MINK1: variants seen among roughly 807,000 people sequenced by gnomAD.
MINK1 encodes misshapen-like kinase 1.
MINK1 carries 46 observed loss-of-function variants against 178.4 expected under a neutral mutation model. That is an observed-to-expected ratio of 0.26 (90% confidence interval 0.20 to 0.33). The LOEUF (loss-of-function observed/expected upper bound fraction) is 0.33. Among genes scored for constraint, MINK1 ranks in the 10% least tolerant of loss-of-function variants. The pLI is 1.00. For synonymous variants in MINK1, 797 were observed against 709.7 expected, an observed-to-expected ratio of 1.12 and a Z score of -1.96; for missense variants, 1,366 against 1,814.9, an observed-to-expected ratio of 0.75 and a Z score of 4.49.
intron 21 of MINK1, 123 bp from the exon 22 acceptor site, chr17:4,893,865 A>G (rs1273480078): frequency 1.3e-5 from 12 of 890,022 alleles, no homozygotes; most frequent in Non-Finnish European, 2.0e-5. Flanking sequence ...CTACACCGTG[A>G]GGGTGGAGCA....
chr17:4,850,088 G>A (rs979263819), intron 1 of MINK1, among the ~76,000 whole-genome samples: 1 of 152,154 alleles, frequency 6.6e-6, no homozygotes, highest in African/African-American at 2.4e-5. Flanking sequence ...CACAGGTGTT[G>A]TGTAATTATG....
At chr17:4,837,452 G>T (rs17824233) in intron 1 of MINK1, among the ~76,000 whole-genome samples, 1,833 of 152,252 alleles carry the variant, frequency 0.012, 20 homozygotes, top group East Asian at 0.062. Flanking sequence ...ATTTTTTCTG[G>T]GATGTTTTTA....
rs200254448 is a variant in MINK1 at position 4,895,122 on chromosome 17, G to T, written c.2965G>T (p.Val989Leu). 1 of 1,613,698 alleles carries T rather than the reference G, an allele frequency of 6.2e-7. No individual in the cohort carries two copies. The highest frequency in any genetic ancestry group is 1.3e-5 in the African/African-American group (1 of 74,912). Residue 989 changes from valine (V) to leucine (L), a missense_variant, in exon 25 of 32, where the codon GTG becomes TTG. Transcript: ENST00000355280. The surrounding 1 kb of genome is among the most constrained non-coding windows in gnomAD (Gnocchi z 4.3). Reference sequence around the variant, plus strand: ...TCGGCTCGACCAGCTGCAGTACGACGTGAGGAAGGGTTCTGTGGTCAACGT... The same window carrying T: ...TCGGCTCGACCAGCTGCAGTACGACTTGAGGAAGGGTTCTGTGGTCAACGT... ...GTRLDQLQYD[V>L]RKGSVVNVNP...
At chr17:4,875,482 C>T in intron 1 of MINK1, 2 of 453,630 alleles carry the variant, frequency 4.4e-6, no homozygotes, top group Non-Finnish European at 8.8e-6. Context: ...TCTAAAAAAA[C>T]AAAAATGAGG....
At chr17:4,875,414 A>G in intron 1 of MINK1, 1 of 446,962 alleles carries the variant, frequency 2.2e-6, no homozygotes, top group South Asian at 1.6e-5. Flanking sequence ...GTTCAAGGCT[A>G]CAGTGAGCTG....
intron 1 of MINK1, among the ~76,000 whole-genome samples, chr17:4,834,976 T>G (rs1399457527): frequency 1.3e-5 from 2 of 152,218 alleles, no homozygotes; most frequent in Non-Finnish European, 2.9e-5. Context: ...TCTTCCCATT[T>G]TCAGGTCATA....
chr17:4,870,321 C>T (rs1310164628), intron 1 of MINK1, among the ~76,000 whole-genome samples: 1 of 151,316 alleles, frequency 6.6e-6, no homozygotes, highest in Non-Finnish European at 1.5e-5. Flanking sequence ...ATCCTCCCAC[C>T]TCAGCCTCCC....
chr17:4,868,098 T>C (rs1915315157), intron 1 of MINK1, among the ~76,000 whole-genome samples: 1 of 151,764 alleles, frequency 6.6e-6, no homozygotes, highest in Non-Finnish European at 1.5e-5. Context: ...TGCCTCAGCC[T>C]CCTGAGTAGC....
At chr17:4,843,867 A>T (rs755166287) in intron 1 of MINK1, among the ~76,000 whole-genome samples, 1 of 152,138 alleles carries the variant, frequency 6.6e-6, no homozygotes, top group Non-Finnish European at 1.5e-5. Flanking sequence ...CTGGGCTGCC[A>T]TGCTGTTGGA....
rs1567631143 is a variant in MINK1, at chr17:4,897,328, C to A, written c.*41C>A. On this transcript the variant is annotated 3_prime_UTR_variant, in exon 32 of 32. Coordinates refer to ENST00000355280, the MANE Select transcript of MINK1 (RefSeq NM_153827.5). ...GGGCTGTCCCACACTGGACCCAGCT[C>A]TCCCCCTGCAGCCAGGCTTCCCGGG... The A allele has an allele frequency of 6.3e-7, 1 of 1,587,860 alleles. No individual in the cohort carries two copies. The highest frequency in any genetic ancestry group is 8.6e-7 in the Non-Finnish European group (1 of 1,158,014).
chr17:4,889,161 GAAAGT>G (rs1241195937), intron 12 of MINK1, among the ~76,000 whole-genome samples: 2 of 152,190 alleles, frequency 1.3e-5, no homozygotes, highest in African/African-American at 4.8e-5. Context: ...GAAATACCGT[GAAAGT>G]AAAGTACCAC....
At chr17:4,880,637 T>C (rs1331071885) in intron 2 of MINK1, among the ~76,000 whole-genome samples, 1 of 148,146 alleles carries the variant, frequency 6.8e-6, no homozygotes. Context: ...CGGTGGCTCA[T>C]GCCTGTCATC....
intron 20 of MINK1, 105 bp downstream of exon 20, chr17:4,893,172 G>C: frequency 6.6e-7 from 1 of 1,520,204 alleles, no homozygotes; most frequent in East Asian, 2.4e-5. Flanking sequence ...ACCGAGAAGG[G>C]CTGTGGGGAT....
At position 4,892,494 on chromosome 17, in the gene MINK1, G is replaced by A; in HGVS notation, c.2180G>A (p.Gly727Asp). ...CCAGGGCCCCCTGCTCAGCCCCCTG[G>A]CCCGCCCAACGCCTCTAGGTAATAG... ...KPPGPPAQPP[G>D]PPNASSNPDL... Residue 727 changes from glycine (G) to aspartate (D), a missense_variant, in exon 18 of 32, where the codon GGC becomes GAC. Physicochemically the swap from Gly to Asp is moderately conservative, Grantham distance 94 (BLOSUM62 -1). This residue lies in a region of MINK1 where 709 missense variants were observed against 692.3 expected (regional missense o/e 1.02). Transcript: ENST00000355280. 1.3e-6 allele frequency: 2 copies of A among 1,561,864 alleles called. No individual in the cohort carries two copies. Among genetic ancestry groups the A allele is most frequent in the East Asian group, 2.4e-5 (1 of 41,592 alleles).
At chr17:4,839,246 A>G (rs1309927318) in intron 1 of MINK1, among the ~76,000 whole-genome samples, 1 of 151,920 alleles carries the variant, frequency 6.6e-6, no homozygotes, top group East Asian at 1.9e-4. Context: ...CCCGGCCTAG[A>G]CTCTTTTTCT....
chr17:4,890,888 G>T, intron 14 of MINK1, 63 bp from the exon 15 acceptor site: 2 of 1,547,038 alleles, frequency 1.3e-6, no homozygotes, highest in South Asian at 1.2e-5. Context: ...GGGCAGGTGG[G>T]ACCCTCAGTT....
intron 1 of MINK1, among the ~76,000 whole-genome samples, chr17:4,857,598 C>A (rs959011449): frequency 1.3e-5 from 2 of 151,020 alleles, no homozygotes; most frequent in African/African-American, 4.9e-5. Flanking sequence ...TCCCGAGTAG[C>A]TGGAACTATA....
rs1189547641 is a variant in MINK1 at position 4,891,103 on chromosome 17, G to T, written c.1719G>T (p.Glu573Asp). ...CTCCTCCTATGCAGAGGCCGGTGGA[G>T]CCCCAGGAGGGACCGCACAAGGTGA... ...SQTPPMQRPVEPQEGPHKSLV... is the reference protein window; with the variant it reads ...SQTPPMQRPVDPQEGPHKSLV... The change falls in exon 15 of 32, where the codon GAG becomes GAT. Residue 573 changes from glutamate to aspartate, a missense_variant. Glu to Asp is a conservative substitution (Grantham distance 45). Transcript: ENST00000355280. 6.5e-7 allele frequency: 1 copy of T among 1,541,370 alleles called. No individual in the cohort carries two copies. Among genetic ancestry groups the T allele is most frequent in the Non-Finnish European group, 8.7e-7 (1 of 1,143,888 alleles).
intron 13 of MINK1, 65 bp downstream of exon 13, chr17:4,889,828 TC>T: frequency 1.8e-6 from 2 of 1,139,042 alleles, no homozygotes; most frequent in Non-Finnish European, 2.3e-6. Flanking sequence ...CCGCCCCTGC[TC>T]CCCGTGCCCT....
Sources: gnomAD v4.1 joint callset for allele counts (sites outside exome capture counted in the v4.1 genomes callset) on GRCh38, gnomAD v4.1.1 for gene constraint, gnomAD v4.1.1 regional missense constraint, Gnocchi (gnomAD v3.1) non-coding constraint, MANE v1.5 for transcripts, NCBI Gene and HGNC (gene_info 2026-07-23, HGNC 2026-07-21) for gene names.